Variants in SON observed in about 807,000 individuals in gnomAD.
SON encodes the protein protein SON.
A neutral mutation model predicts 173.3 loss-of-function variants in SON; 4 were observed. That is an observed-to-expected ratio of 0.02 (90% CI 0.01 to 0.05). SON has a LOEUF of 0.05. SON is among the 10% of genes least tolerant of loss of function. The probability of loss-of-function intolerance (pLI) is 1.00; values close to 1 mark genes in which losing one functional copy is unlikely to be tolerated. For missense variants in SON, 2,626 were observed against 3,055.3 expected, an observed-to-expected ratio of 0.86 and a Z score of 3.31; for synonymous variants, 1,190 against 1,105.9, an observed-to-expected ratio of 1.08 and a Z score of -1.51.
chr21:33,551,462 A>G lies in SON; in HGVS notation c.2231A>G (p.Gln744Arg), dbSNP rs751413866. ...QMLASNTMDSQMLASNTMDSQ... is the reference protein window; with the variant it reads ...QMLASNTMDSRMLASNTMDSQ... ...CTAGCGTCCAACACCATGGACTCCC[A>G]GATGCTAGCATCCAACACCATGGAC... Residue 744 changes from glutamine to arginine, a missense_variant, in exon 3 of 12, where the codon CAG (glutamine) becomes CGG (arginine). This residue lies in a region of SON where 182 missense variants were observed against 193.6 expected (regional missense o/e 0.94). Transcript: ENST00000356577. 2 of 1,614,156 alleles carry G rather than the reference A, an allele frequency of 1.2e-6. No homozygotes were observed. The highest frequency in any genetic ancestry group is 1.7e-6 in the Non-Finnish European group (2 of 1,179,978).
At chr21:33,562,814 G>A (rs915967382) in intron 6 of SON, among the ~76,000 whole-genome samples, 2 of 152,126 alleles carry the variant, frequency 1.3e-5, no homozygotes, top group Non-Finnish European at 2.9e-5. Context: ...AGTTAGTAGA[G>A]GTTTATTGAG....
rs1402852534 is a variant in SON, at chr21:33,550,724, C to T, written c.1493C>T (p.Thr498Ile). Residue 498 changes from threonine (T) to isoleucine (I), a missense_variant, in exon 3 of 12, where the codon ACA becomes ATA. Physicochemically the swap from Thr to Ile is moderately conservative, Grantham distance 89. Transcript: ENST00000356577. ...AVELPEQPAV[T>I]VAMELTEQPV... ...GAGTTGCCAGAGCAGCCTGCGGTAACAGTAGCAATGGAGTTGACCGAACAA... is the reference window on the plus strand; with the variant it reads ...GAGTTGCCAGAGCAGCCTGCGGTAATAGTAGCAATGGAGTTGACCGAACAA... 4 of 1,614,116 alleles carry T rather than the reference C, an allele frequency of 2.5e-6. No homozygotes were observed. Among genetic ancestry groups the T allele is most frequent in the African/African-American group, 2.7e-5 (2 of 75,000 alleles).
Position 33,559,016 on chromosome 21 carries a change from C to A in SON, c.6322-214C>A. Reference sequence around the variant, plus strand: ...CAGACAGTGCCCAGTACAGTGCTCTCTCTGCACATAGTAGGTGCTCAATAA... The same window carrying A: ...CAGACAGTGCCCAGTACAGTGCTCTATCTGCACATAGTAGGTGCTCAATAA... On this transcript the variant is annotated intron_variant, in intron 4 of 11. Transcript: ENST00000356577. The surrounding 1 kb of genome is among the most constrained non-coding windows in gnomAD (Gnocchi z 4.1). 3.8e-6 allele frequency: 1 copy of A among 262,234 alleles called. No homozygotes were observed. Among genetic ancestry groups the A allele is most frequent in the Non-Finnish European group, 6.8e-6 (1 of 146,804 alleles). The allele number at this position is 262,234 out of a possible 1,614,324, so 16.2% of individuals were successfully genotyped here. A position where few individuals can be genotyped will look rare whatever the true frequency, so the allele number is the denominator to read the frequency against.
intron 8 of SON, 154 bp downstream of exon 8, chr21:33,569,241 G>A: frequency 1.8e-6 from 1 of 558,418 alleles, no homozygotes; most frequent in Non-Finnish European, 3.2e-6. Flanking sequence ...ACTGAAGACG[G>A]ACTGGATTCA....
chr21:33,543,983 T>C (rs1444297567), intron 1 of SON, among the ~76,000 whole-genome samples: 1 of 152,222 alleles, frequency 6.6e-6, no homozygotes, highest in Non-Finnish European at 1.5e-5. Context: ...GAAATGGTTG[T>C]TTACTTAGGA....
Position 33,553,995 on chromosome 21 carries a change from T to C in SON, c.4764T>C (p.Asp1588=), listed in dbSNP as rs763593720. Residue 1588 remains aspartate (D), a synonymous_variant, in exon 3 of 12, where the codon GAT becomes GAC. Coordinates refer to ENST00000356577, the MANE Select transcript of SON (RefSeq NM_138927.4). The stretch of plus-strand genomic sequence containing the variant: ...CCTACCCTGGTGTTAGTGAAGCTGA[T>C]GCAGGAGAAACTCTATCTTCTACTG... The part of the protein sequence containing the change: ...LDTYPGVSEA[D]AGETLSSTGP... The C allele has an allele frequency of 1.9e-6, 3 of 1,614,060 alleles. No individual in the cohort carries two copies. The Admixed American group carries it at 5.0e-5, about 27-fold the overall frequency.
intron 2 of SON, among the ~76,000 whole-genome samples, chr21:33,548,568 C>G (rs2085678356): frequency 6.6e-6 from 1 of 152,150 alleles, no homozygotes; most frequent in African/African-American, 2.4e-5. Flanking sequence ...AAAGCTTATT[C>G]TGTGCCAGGC....
intron 7 of SON, among the ~76,000 whole-genome samples, chr21:33,568,418 C>A (rs774145681): frequency 6.6e-6 from 1 of 152,206 alleles, no homozygotes; most frequent in Non-Finnish European, 1.5e-5. Context: ...ATCGCTTGAA[C>A]TCGGGAGGAG....
chr21:33,559,771 C>T lies in SON; in HGVS notation c.6653C>T (p.Ser2218Leu). 1 of 1,613,648 alleles carries T rather than the reference C, an allele frequency of 6.2e-7. No individual in the cohort carries two copies. The highest frequency in any genetic ancestry group is 1.1e-5 in the South Asian group (1 of 90,986). Residue 2218 changes from serine (S) to leucine (L), a missense_variant, in exon 6 of 12, where the codon TCA (serine) becomes TTA (leucine). By Grantham distance (145) the Ser-to-Leu change is moderately radical. This residue lies in a region of SON where 75 missense variants were observed against 201.6 expected (regional missense o/e 0.37). Coordinates refer to ENST00000356577, the MANE Select transcript of SON (RefSeq NM_138927.4). The surrounding 1 kb of genome is among the most constrained non-coding windows in gnomAD (Gnocchi z 4.1). ...DDNVFSSNLP[S>L]EPVDISTAMS... ...AATGTTTTCAGCAGCAATTTGCCCT[C>T]AGAGGTAAGTAGGAGGAATATTATG...
At position 33,552,717 on chromosome 21, in the gene SON, T is replaced by C. The variant is rs1601264883; in HGVS notation, c.3486T>C (p.Pro1162=). ...CCCCAACAATGCCACCGTTGCCACC[T>C]GAGGAGCCACCAATGACACCACCAT... ...EEPPTMPPLP[P]EEPPMTPPLP... Residue 1162 remains proline, a synonymous_variant, in exon 3 of 12, where the codon CCT becomes CCC. Transcript: ENST00000356577. This position sits in a 1 kb window ranked among gnomAD's most constrained non-coding sequence, Gnocchi z 5.6. 1.9e-6 allele frequency: 3 copies of C among 1,613,930 alleles called. No homozygotes were observed. Among genetic ancestry groups the C allele is most frequent in the South Asian group, 2.2e-5 (2 of 91,080 alleles).
rs551090752 is a variant in SON, at chr21:33,555,358, C to A, written c.6127C>A (p.Arg2043=). Residue 2043 remains arginine, a synonymous_variant, in exon 3 of 12, where the codon CGA becomes AGA. Coordinates refer to ENST00000356577, the MANE Select transcript of SON (RefSeq NM_138927.4). The part of the protein sequence containing the change: ...IRRKRSRSSE[R]GRSPKRLTDL... ...TCGTAAAAGATCCAGGTCTTCTGAA[C>A]GAGGCAGATCACCCAAACGTCTGAC... 1.9e-6 allele frequency: 3 copies of A among 1,578,242 alleles called. No individual in the cohort carries two copies. Among genetic ancestry groups the A allele is most frequent in the Admixed American group, 1.8e-5 (1 of 56,312 alleles).
chr21:33,551,474 C>G lies in SON; in HGVS notation c.2243C>G (p.Ser748Cys), dbSNP rs765490883. 1 of 1,614,196 alleles carries G rather than the reference C, an allele frequency of 6.2e-7. No homozygotes were observed. Among genetic ancestry groups the G allele is most frequent in the South Asian group, 1.1e-5 (1 of 91,086 alleles). The part of the protein sequence containing the change: ...SNTMDSQMLA[S>C]NTMDSQMLAS... ...ACCATGGACTCCCAGATGCTAGCAT[C>G]CAACACCATGGACTCCCAGATGTTA... The change falls in exon 3 of 12, where the codon TCC (serine) becomes TGC (cysteine). Residue 748 changes from serine (S) to cysteine (C), a missense_variant. By Grantham distance (112) the Ser-to-Cys change is moderately radical (BLOSUM62 -1). Transcript: ENST00000356577.
At position 33,553,483 on chromosome 21, in the gene SON, C is replaced by T; in HGVS notation, c.4252C>T (p.Pro1418Ser). ...TGTTTCTGCGCTGGAGCCTTCTGTGCCTGTTCTGGAACCAGCGGTGTCAGT... is the reference window on the plus strand; with the variant it reads ...TGTTTCTGCGCTGGAGCCTTCTGTGTCTGTTCTGGAACCAGCGGTGTCAGT... ...PVVSALEPSV[P>S]VLEPAVSVLQ... The change falls in exon 3 of 12, where the codon CCT becomes TCT. Residue 1418 changes from proline to serine, a missense_variant. Physicochemically the swap from Pro to Ser is moderately conservative, Grantham distance 74. Around this residue, in one of 13 missense-constraint regions of SON, gnomAD observed 1,006 missense variants for 895.6 expected, o/e 1.12. Transcript: ENST00000356577. 6.2e-7 allele frequency: 1 copy of T among 1,614,234 alleles called. No individual in the cohort carries two copies.
At chr21:33,557,776 T>G (rs1479177921) in intron 4 of SON, 1 of 1,269,720 alleles carries the variant, frequency 7.9e-7, no homozygotes, top group African/African-American at 1.5e-5. Context: ...TGAAAGGAAC[T>G]TCTTTCGCAT....
At chr21:33,571,124 G>A (rs2086275227) in intron 8 of SON, among the ~76,000 whole-genome samples, 1 of 152,102 alleles carries the variant, frequency 6.6e-6, no homozygotes, top group South Asian at 2.1e-4. Flanking sequence ...ATAAAGATAT[G>A]TTCAGACCAA....
chr21:33,543,292 G>A, intron 1 of SON, 123 bp downstream of exon 1: 1 of 902,222 alleles, frequency 1.1e-6, no homozygotes. Flanking sequence ...GCCCCGCCTG[G>A]GCCTGGGATC....
At position 33,554,048 on chromosome 21, in the gene SON, C is replaced by T. The variant is rs978571803; in HGVS notation, c.4817C>T (p.Thr1606Ile). The T allele has an allele frequency of 1.2e-6, 2 of 1,613,946 alleles. No individual in the cohort carries two copies. The highest frequency in any genetic ancestry group is 3.3e-5 in the Admixed American group (2 of 59,998). ...CCTTTTGCTCTGGAACCTGATGCAA[C>T]AGGAACTAGTAAGGGTATTGAATTT... ...TGPFALEPDA[T>I]GTSKGIEFTT... Residue 1606 changes from threonine to isoleucine, a missense_variant, in exon 3 of 12, where the codon ACA becomes ATA. Around this residue, in one of 13 missense-constraint regions of SON, gnomAD observed 1,006 missense variants for 895.6 expected, o/e 1.12. Transcript: ENST00000356577.
Position 33,551,494 on chromosome 21 carries a change from A to G in SON, c.2263A>G (p.Met755Val). ...MLASNTMDSQ[M>V]LASSTMDSQM... ...AGCATCCAACACCATGGACTCCCAG[A>G]TGTTAGCGTCTAGCACCATGGACTC... Residue 755 changes from methionine to valine, a missense_variant, in exon 3 of 12, where the codon ATG becomes GTG. This residue lies in a region of SON where 182 missense variants were observed against 193.6 expected (regional missense o/e 0.94). Coordinates refer to ENST00000356577, the MANE Select transcript of SON (RefSeq NM_138927.4). 1 of 1,614,176 alleles carries G rather than the reference A, an allele frequency of 6.2e-7. No individual in the cohort carries two copies. Among genetic ancestry groups the G allele is most frequent in the Non-Finnish European group, 8.5e-7 (1 of 1,180,012 alleles).
At chr21:33,560,303 AAT>A in intron 6 of SON, 3 of 1,382,782 alleles carry the variant, frequency 2.2e-6, no homozygotes, top group Non-Finnish European at 2.8e-6. Context: ...GATAGCCTTT[AAT>A]TTTAATTATT....
Sources: gnomAD v4.1 joint callset for allele counts (sites outside exome capture counted in the v4.1 genomes callset) on GRCh38, gnomAD v4.1.1 for gene constraint, gnomAD v4.1.1 regional missense constraint, Gnocchi (gnomAD v3.1) non-coding constraint, MANE v1.5 for transcripts, NCBI Gene and HGNC (gene_info 2026-07-23, HGNC 2026-07-21) for gene names.